Variants in SORCS1 observed in about 807,000 individuals in gnomAD.
SORCS1 encodes the protein sortilin related VPS10 domain containing receptor 1, also known as VPS10 domain-containing receptor SorCS1.
In SORCS1, 60 loss-of-function variants were observed where a neutral mutation model predicts 146.1. The observed-to-expected ratio is 0.41, with a 90% CI of 0.33 to 0.51. The LOEUF is 0.51. Ranked by LOEUF, SORCS1 falls within the 20% of genes least tolerant of loss-of-function variation. The pLI is 0.21. For missense variants in SORCS1, 1,352 were observed against 1,487.6 expected (o/e 0.91, Z 1.50); for synonymous variants, 637 against 584.0 (o/e 1.09, Z -1.31).
chr10:107,010,300 G>T (rs528011905), intron 1 of SORCS1, among the ~76,000 whole-genome samples: 1 of 152,266 alleles, frequency 6.6e-6, no homozygotes, highest in African/African-American at 2.4e-5. Flanking sequence ...AAATAAGTTT[G>T]AAAACCCACT....
chr10:106,625,704 T>C (rs1411064557), intron 19 of SORCS1, among the ~76,000 whole-genome samples: 1 of 152,206 alleles, frequency 6.6e-6, no homozygotes, highest in Non-Finnish European at 1.5e-5. Context: ...ACATGGCTCC[T>C]ATATAAGGGA....
intron 6 of SORCS1, among the ~76,000 whole-genome samples, chr10:106,728,924 T>C (rs1373954554): frequency 6.6e-6 from 1 of 152,178 alleles, no homozygotes; most frequent in Non-Finnish European, 1.5e-5. Context: ...TGAGACCTCT[T>C]CCTTTCTCCC....
chr10:106,901,929 AG>A (rs1366577685), intron 2 of SORCS1, among the ~76,000 whole-genome samples: 1 of 152,034 alleles, frequency 6.6e-6, no homozygotes, highest in East Asian at 1.9e-4. Context: ...CTGTAGTCCC[AG>A]CTACTCGGGA....
chr10:106,904,464 A>C (rs1189992043), intron 2 of SORCS1, among the ~76,000 whole-genome samples: 2 of 152,166 alleles, frequency 1.3e-5, no homozygotes, highest in Non-Finnish European at 2.9e-5. Context: ...ATGGGCATCT[A>C]CTGATGGGGA....
intron 1 of SORCS1, among the ~76,000 whole-genome samples, chr10:106,964,041 G>C (rs1335127351): frequency 6.6e-6 from 1 of 152,202 alleles, no homozygotes; most frequent in African/African-American, 2.4e-5. Flanking sequence ...CAGAAGATGA[G>C]TGTGATTCTG....
chr10:106,676,238 AAC>A (rs1474260382), intron 13 of SORCS1, among the ~76,000 whole-genome samples: 1 of 152,266 alleles, frequency 6.6e-6, no homozygotes, highest in East Asian at 1.9e-4. Flanking sequence ...CACTTTCAAA[AAC>A]ACAGTTAAAA....
chr10:106,768,541 A>G (rs1859749552), intron 4 of SORCS1, among the ~76,000 whole-genome samples: 1 of 152,244 alleles, frequency 6.6e-6, no homozygotes, highest in Non-Finnish European at 1.5e-5. Flanking sequence ...AGTTAATGTG[A>G]AGATAAATAC....
intron 6 of SORCS1, among the ~76,000 whole-genome samples, chr10:106,726,185 C>CTTTTTTT (rs1169402270): frequency 9.1e-5 from 6 of 66,292 alleles, no homozygotes; most frequent in Admixed American, 1.6e-4. Flanking sequence ...CTTTCCCTCT[C>CTTTTTTT]TTTTTTTTTT....
intron 5 of SORCS1, among the ~76,000 whole-genome samples, chr10:106,733,082 T>C (rs960016008): frequency 1.8e-4 from 24 of 136,094 alleles, no homozygotes; most frequent in African/African-American, 6.4e-4. Flanking sequence ...TACTCTAGCA[T>C]GGGCGACAAA....
chr10:106,840,145 T>C (rs1018176183), intron 2 of SORCS1, among the ~76,000 whole-genome samples: 5 of 152,194 alleles, frequency 3.3e-5, no homozygotes, highest in Non-Finnish European at 7.4e-5. Context: ...GGCTACAGCT[T>C]CCATAGATAG....
At chr10:106,911,874 A>G (rs1952174907) in intron 2 of SORCS1, among the ~76,000 whole-genome samples, 1 of 152,222 alleles carries the variant, frequency 6.6e-6, no homozygotes, top group South Asian at 2.1e-4. Context: ...GAACTTTGGG[A>G]GGCTGAGGTG....
intron 17 of SORCS1, among the ~76,000 whole-genome samples, chr10:106,656,210 T>C (rs1462305970): frequency 6.6e-6 from 1 of 152,198 alleles, no homozygotes; most frequent in African/African-American, 2.4e-5. Flanking sequence ...TTTTTGCCCC[T>C]ACCCTCTTTG....
intron 1 of SORCS1, among the ~76,000 whole-genome samples, chr10:106,994,777 G>C (rs922668673): frequency 6.6e-6 from 1 of 152,196 alleles, no homozygotes; most frequent in East Asian, 1.9e-4. Flanking sequence ...TATTTTTGAA[G>C]AGAAGGAGAA....
chr10:106,663,075 T>A lies in SORCS1; in HGVS notation c.2303+4614A>T, dbSNP rs540692471. Among the ~76,000 whole-genome samples, 67 of 152,152 alleles carry A rather than the reference T, an allele frequency of 4.4e-4. 1 individual carries two copies. Among genetic ancestry groups the A allele is most frequent in the Non-Finnish European group, 7.2e-4 (49 of 68,040 alleles). ...TGTATTATTTGTATAACAAGTTTTA[T>A]GGGATGAGAATATTAACTGCAGCAT... On this transcript the variant is annotated intron_variant, in intron 17 of 25. Coordinates refer to ENST00000263054, the MANE Select transcript of SORCS1 (RefSeq NM_052918.5).
rs78021063 is a variant in SORCS1, at chr10:106,822,802, T to G, written c.726+6772A>C. On this transcript the variant is annotated intron_variant, in intron 3 of 25. Transcript: ENST00000263054. ...GTGTGGTTTTTTTTTTTTTTTTTTT[T>G]GAATATTGCTCTGTTGTGCCCAGGC... Among the ~76,000 whole-genome samples the G allele has an allele frequency of 1.9e-3, 268 of 140,124 alleles. 4 individuals are homozygous for G. The highest frequency in any genetic ancestry group is 5.7e-3 in the African/African-American group (202 of 35,184). 91.9% of individuals were successfully genotyped at this position (140,124 alleles called of 152,430 possible). A position where few individuals can be genotyped will look rare whatever the true frequency, so the allele number is the denominator to read the frequency against.
intron 1 of SORCS1, among the ~76,000 whole-genome samples, chr10:107,024,495 C>G (rs1564939471): frequency 6.6e-6 from 1 of 152,170 alleles, no homozygotes; most frequent in Admixed American, 6.5e-5. Flanking sequence ...GGTCCCACTT[C>G]CAACACTGGG....
intron 9 of SORCS1, among the ~76,000 whole-genome samples, chr10:106,693,411 T>C (rs1370471774): frequency 6.6e-6 from 1 of 152,224 alleles, no homozygotes; most frequent in African/African-American, 2.4e-5. Flanking sequence ...GTGGCTGTAC[T>C]GTCTCTTCGA....
intron 1 of SORCS1, among the ~76,000 whole-genome samples, chr10:107,156,374 A>G (rs1451917835): frequency 2.0e-5 from 3 of 152,234 alleles, no homozygotes; most frequent in Non-Finnish European, 4.4e-5. Context: ...TAGAATGAGG[A>G]TAACAGTACG....
chr10:106,895,241 G>T (rs1951420922), intron 2 of SORCS1, among the ~76,000 whole-genome samples: 1 of 152,156 alleles, frequency 6.6e-6, no homozygotes, highest in Non-Finnish European at 1.5e-5. Flanking sequence ...CTGTGCTAGA[G>T]GTCCTCACTT....
Sources: gnomAD v4.1 joint callset for allele counts (sites outside exome capture counted in the v4.1 genomes callset) on GRCh38, gnomAD v4.1.1 for gene constraint, MANE v1.5 for transcripts, NCBI Gene and HGNC (gene_info 2026-07-23, HGNC 2026-07-21) for gene names.